Variants in TNS4 observed in about 807,000 individuals in gnomAD.
TNS4 encodes tensin-4.
TNS4 carries 46 observed loss-of-function variants against 70.4 expected under a neutral mutation model. That is an observed-to-expected ratio of 0.65 (90% confidence interval 0.52 to 0.84). The LOEUF (loss-of-function observed/expected upper bound fraction) is 0.84, where lower values mean the gene tolerates loss of function less well. Ranked by LOEUF, TNS4 falls within the 40% of genes least tolerant of loss-of-function variation. The pLI is 0.00. For missense variants in TNS4, 863 were observed against 907.0 expected (o/e 0.95, Z 0.62); for synonymous variants, 390 against 366.6 (o/e 1.06, Z -0.73).
At chr17:40,499,411 C>T (rs2036184851) in intron 1 of TNS4, among the ~76,000 whole-genome samples, 1 of 152,200 alleles carries the variant, frequency 6.6e-6, no homozygotes, top group Non-Finnish European at 1.5e-5. Flanking sequence ...CCCCTTCCTT[C>T]TTTAACTTGG....
rs1756331907 is a variant in TNS4 at position 40,479,746 on chromosome 17, A to G, written c.1838T>C (p.Ile613Thr). The change falls in exon 10 of 13, where the codon ATC becomes ACC. Residue 613 changes from isoleucine (I) to threonine (T), a missense_variant. Coordinates refer to ENST00000254051, the MANE Select transcript of TNS4 (RefSeq NM_032865.6). The part of the protein sequence containing the change: ...KAISTTFERD[I>T]LPTPTVVHFK... ...GTGGACCACGGTGGGCGTGGGGAGGATGTCCCTCTCAAAGGTGGTGGAGAT... is the reference window on the plus strand; with the variant it reads ...GTGGACCACGGTGGGCGTGGGGAGGGTGTCCCTCTCAAAGGTGGTGGAGAT... 6.2e-7 allele frequency: 1 copy of G among 1,613,798 alleles called. No homozygotes were observed. The highest frequency in any genetic ancestry group is 1.3e-5 in the African/African-American group (1 of 74,858).
chr17:40,481,699 C>T (rs1167479049), intron 8 of TNS4, among the ~76,000 whole-genome samples: 1 of 152,200 alleles, frequency 6.6e-6, no homozygotes, highest in Non-Finnish European at 1.5e-5. Context: ...GGGATGATAA[C>T]AGCAAAGTCT....
intron 1 of TNS4, among the ~76,000 whole-genome samples, chr17:40,500,278 G>A (rs1011708197): frequency 3.9e-5 from 6 of 152,340 alleles, no homozygotes; most frequent in Admixed American, 2.6e-4. Flanking sequence ...AGGGCAGGCA[G>A]CCCCTACGCT....
At position 40,476,436 on chromosome 17, in the gene TNS4, G is replaced by A. The variant is rs1248884478; in HGVS notation, c.*1152C>T. 4 of 152,478 alleles carry A rather than the reference G, an allele frequency of 2.6e-5. No homozygotes were observed. Among genetic ancestry groups the A allele is most frequent in the East Asian group, 1.9e-4 (1 of 5,186 alleles). The allele number at this position is 152,478 out of a possible 1,614,324, so 9.4% of individuals were successfully genotyped here. On this transcript the variant is annotated 3_prime_UTR_variant, in exon 13 of 13. Transcript: ENST00000254051. Reference sequence around the variant, plus strand: ...TGTGTGTGTGTGTGTGTGTTGGAGCGTGGGTTGGGGGAGGGCTCAGCAAGA... The same window carrying A: ...TGTGTGTGTGTGTGTGTGTTGGAGCATGGGTTGGGGGAGGGCTCAGCAAGA...
chr17:40,500,442 A>T (rs2036197203), intron 1 of TNS4, among the ~76,000 whole-genome samples: 1 of 151,952 alleles, frequency 6.6e-6, no homozygotes, highest in Non-Finnish European at 1.5e-5. Flanking sequence ...TGGTGGGGAG[A>T]GTCCCTGGGC....
chr17:40,482,203 C>G lies in TNS4; in HGVS notation c.1598G>C (p.Ser533Thr), dbSNP rs2035930132. 6.2e-7 allele frequency: 1 copy of G among 1,614,088 alleles called. No homozygotes were observed. The highest frequency in any genetic ancestry group is 8.5e-7 in the Non-Finnish European group (1 of 1,180,042). The change falls in exon 8 of 13, where the codon AGC becomes ACC. Residue 533 changes from serine (S) to threonine (T), a missense_variant. Transcript: ENST00000254051. ...ATGCTGGCACACGAAGGCAGAGAGG[C>G]TCCCTGAAAGGAAGCAAGCAGCCCT... is the stretch of plus-strand genomic sequence containing the variant. ...KGADEEPYFG[S>T]LSAFVCQHSI... is the part of the protein sequence containing the mutation.
intron 6 of TNS4, 24 bp downstream of exon 6, chr17:40,484,456 TTGAG>T (rs761035050): frequency 5.5e-5 from 89 of 1,605,498 alleles, no homozygotes; most frequent in Middle Eastern, 1.6e-4. Context: ...CAGTGAGGCC[TTGAG>T]TGAGCACAGA....
At position 40,496,309 on chromosome 17, in the gene TNS4, C is replaced by G. The variant is rs1274176958; in HGVS notation, c.117G>C (p.Gln39His). The G allele has an allele frequency of 6.2e-7, 1 of 1,613,584 alleles. No individual in the cohort carries two copies. Among genetic ancestry groups the G allele is most frequent in the Middle Eastern group, 1.7e-4 (1 of 5,938 alleles). Residue 39 changes from glutamine to histidine, a missense_variant, in exon 2 of 13, where the codon CAG (glutamine) becomes CAC (histidine). Gln to His is a conservative substitution (Grantham distance 24, BLOSUM62 0). Coordinates refer to ENST00000254051, the MANE Select transcript of TNS4 (RefSeq NM_032865.6). ...HPAPSPSLPP[Q>H]CSYYTTEGWG... The stretch of plus-strand genomic sequence containing the variant: ...AGCCTTCCGTGGTGTAGTAAGAACA[C>G]TGGGGTGGCAGGCTGGGGCTGGGTG...
Position 40,496,428 on chromosome 17 carries a change from TG to T in TNS4, c.-4del, listed in dbSNP as rs775674932. ...GGGCTGGACATCACCTGGGACATGG[TG>T]GGGGTGGTGACCTCTGCAGTTTACC... On this transcript the variant is annotated 5_prime_UTR_variant, in exon 2 of 13. Transcript: ENST00000254051. 6 of 1,610,430 alleles carry T rather than the reference TG, an allele frequency of 3.7e-6. No individual in the cohort carries two copies. The highest frequency in any genetic ancestry group is 1.7e-5 in the Admixed American group (1 of 59,836).
chr17:40,485,136 C>T (rs993378016), intron 4 of TNS4, 129 bp from the exon 5 acceptor site: 16 of 717,320 alleles, frequency 2.2e-5, no homozygotes, highest in Admixed American at 1.4e-4. Context: ...CCATCCCAGA[C>T]CCTAACCCCA....
At chr17:40,493,981 G>A (rs552832503) in intron 2 of TNS4, among the ~76,000 whole-genome samples, 1 of 152,394 alleles carries the variant, frequency 6.6e-6, no homozygotes, top group African/African-American at 2.4e-5. Context: ...GCCCATGACT[G>A]ACTGGCCTGA....
Position 40,477,690 on chromosome 17 carries a change from C to T in TNS4, c.2046G>A (p.Gln682=). The T allele has an allele frequency of 5.6e-6, 9 of 1,613,954 alleles. No homozygotes were observed. Among genetic ancestry groups the T allele is most frequent in the Non-Finnish European group, 7.6e-6 (9 of 1,180,000 alleles). Residue 682 remains glutamine (Q), a synonymous_variant, in exon 13 of 13, where the codon CAG becomes CAA. Coordinates refer to ENST00000254051, the MANE Select transcript of TNS4 (RefSeq NM_032865.6). The part of the protein sequence containing the change: ...GFVAKSQTEP[Q]ENVCHLFAEY... ...CCGCAAAGAGGTGGCATACGTTCTC[C>T]TGAGGCTCTGTCTGGCTCTTGGCCA...
chr17:40,479,982 G>T, intron 9 of TNS4, 140 bp from the exon 10 acceptor site: 5 of 1,085,438 alleles, frequency 4.6e-6, no homozygotes, highest in Non-Finnish European at 6.4e-6. Flanking sequence ...ACAGAAAGTG[G>T]GTGTGTGGGT....
At chr17:40,493,906 G>C (rs1489552936) in intron 2 of TNS4, among the ~76,000 whole-genome samples, 1 of 152,284 alleles carries the variant, frequency 6.6e-6, no homozygotes, top group Non-Finnish European at 1.5e-5. Context: ...GGCATGAACG[G>C]TAAAACCCTG....
At chr17:40,487,657 T>A (rs1330382757) in intron 3 of TNS4, among the ~76,000 whole-genome samples, 197 bp from the exon 4 acceptor site, 2 of 152,176 alleles carry the variant, frequency 1.3e-5, no homozygotes, top group African/African-American at 4.8e-5. Context: ...AGAAATGTCC[T>A]TGGATGGTAG....
At chr17:40,479,645 G>A (rs8076413) in intron 10 of TNS4, 29 bp downstream of exon 10, 265,072 of 1,601,608 alleles carry the variant, frequency 0.17, 26,930 homozygotes, top group African/African-American at 0.47. Flanking sequence ...CGCCAGCCCC[G>A]GAGCCCCAGG....
At chr17:40,500,011 A>G (rs1486620419) in intron 1 of TNS4, among the ~76,000 whole-genome samples, 1 of 152,194 alleles carries the variant, frequency 6.6e-6, no homozygotes, top group Non-Finnish European at 1.5e-5. Flanking sequence ...GGGATGTGAT[A>G]ATAACAGACA....
chr17:40,482,110 C>A lies in TNS4; in HGVS notation c.1672+19G>T. The A allele has an allele frequency of 6.2e-7, 1 of 1,613,410 alleles. No homozygotes were observed. The highest frequency in any genetic ancestry group is 8.5e-7 in the Non-Finnish European group (1 of 1,179,616). ...CAGGTCCCCCACCTTGGCATTGCCT[C>A]TTTGGGGCCCAGACCCACCTCTCTG... On this transcript the variant is annotated intron_variant, in intron 8 of 12. Transcript: ENST00000254051.
intron 6 of TNS4, among the ~76,000 whole-genome samples, chr17:40,483,347 C>G (rs2035950626): frequency 6.6e-6 from 1 of 152,050 alleles, no homozygotes. Flanking sequence ...GTACCTGGGA[C>G]TACAGGTGTG....
Sources: gnomAD v4.1 joint callset for allele counts (sites outside exome capture counted in the v4.1 genomes callset) on GRCh38, gnomAD v4.1.1 for gene constraint, MANE v1.5 for transcripts, NCBI Gene and HGNC (gene_info 2026-07-23, HGNC 2026-07-21) for gene names.